The following GOLGA6C variants were observed in gnomAD, a reference collection of about 807,000 sequenced individuals.
The protein encoded by GOLGA6C is golgin A6 family member C.
GOLGA6C carries 3 observed loss-of-function variants against 57.5 expected under a neutral mutation model. The ratio of observed to expected loss-of-function variants is 0.05; its 90% CI spans 0.02 to 0.13. The LOEUF is 0.13. Ranked by LOEUF, GOLGA6C falls within the 10% of genes least tolerant of loss-of-function variation. The pLI is 1.00. For synonymous variants in GOLGA6C, 32 were observed against 203.8 expected (o/e 0.16, Z 7.18); for missense variants, 88 against 525.6 (o/e 0.17, Z 8.14).
At chr15:75,259,206 C>A (rs1174428189) in intron 1 of GOLGA6C, among the ~76,000 whole-genome samples, 1 of 151,380 alleles carries the variant, frequency 6.6e-6, no homozygotes. Context: ...GGATCGGCAA[C>A]TCAGCCATTG....
chr15:75,268,911 C>G (rs771018700), intron 14 of GOLGA6C, 23 bp downstream of exon 14: 1 of 1,022,866 alleles, frequency 9.8e-7, no homozygotes, highest in Non-Finnish European at 1.5e-6. Context: ...TTCCCTGCCC[C>G]GCTTTGCCAC....
Position 75,263,967 on chromosome 15 carries a change from C to T in GOLGA6C, c.458-10C>T. On this transcript the variant is annotated splice_polypyrimidine_tract_variant and intron_variant, in intron 6 of 17. Transcript: ENST00000300576. Reference sequence around the variant, plus strand: ...TCTTTTGGGCCCCATCTCAACCTCTCTCATTACAGAAGAGTCCAAGGATCT... The same window carrying T: ...TCTTTTGGGCCCCATCTCAACCTCTTTCATTACAGAAGAGTCCAAGGATCT... 1 of 1,480,838 alleles carries T rather than the reference C, an allele frequency of 6.8e-7. No homozygotes were observed. The highest frequency in any genetic ancestry group is 9.2e-7 in the Non-Finnish European group (1 of 1,083,604). 91.7% of individuals were successfully genotyped at this position (1,480,838 alleles called of 1,614,324 possible).
Position 75,273,220 on chromosome 15 carries a change from G to T in GOLGA6C, c.*3021G>T, listed in dbSNP as rs1423734097. On this transcript the variant is annotated 3_prime_UTR_variant, in exon 18 of 18. Coordinates refer to ENST00000300576, the MANE Select transcript of GOLGA6C (RefSeq NM_001164404.2). ...AATAAGTTAAAACACTTTAAAATAT[G>T]AATACTGTAGTTTGAAAGAAAGAAA... Among the ~76,000 whole-genome samples, 1 of 152,108 alleles carries T rather than the reference G, an allele frequency of 6.6e-6. No individual in the cohort carries two copies. Among genetic ancestry groups the T allele is most frequent in the South Asian group, 2.1e-4 (1 of 4,830 alleles).
At position 75,270,068 on chromosome 15, in the gene GOLGA6C, G is replaced by T. The variant is rs368756943; in HGVS notation, c.1955-4G>T. ...CTCAGACCCCCGCCTCCCTCTCTCCGAAGATTTTTATGAAGTGAGCCTGGA... is the reference window on the plus strand; with the variant it reads ...CTCAGACCCCCGCCTCCCTCTCTCCTAAGATTTTTATGAAGTGAGCCTGGA... On this transcript the variant is annotated splice_polypyrimidine_tract_variant and splice_region_variant and intron_variant, in intron 17 of 17. Transcript: ENST00000300576. 27 of 1,520,960 alleles carry T rather than the reference G, an allele frequency of 1.8e-5. 1 individual carries two copies. The South Asian group carries it at 2.2e-4, about 13-fold the overall frequency. 94.2% of individuals were successfully genotyped at this position (1,520,960 alleles called of 1,614,324 possible). A position where few individuals can be genotyped will look rare whatever the true frequency, so the allele number is the denominator to read the frequency against.
chr15:75,258,766 C>G, intron 1 of GOLGA6C, 84 bp downstream of exon 1: 1 of 614,520 alleles, frequency 1.6e-6, no homozygotes, highest in Non-Finnish European at 3.0e-6. Context: ...GAGTCCATAC[C>G]ACTCCTGAGG....
In GOLGA6C at chr15:75,270,283, C is replaced by T. The variant is rs557760370; in HGVS notation, c.*84C>T. On this transcript the variant is annotated 3_prime_UTR_variant, in exon 18 of 18. Coordinates refer to ENST00000300576, the MANE Select transcript of GOLGA6C (RefSeq NM_001164404.2). ...ACAGGGAGATAAACATCATCATCTTCTAAGAGCTGGTCAAGAAATTTAAAA... is the reference window on the plus strand; with the variant it reads ...ACAGGGAGATAAACATCATCATCTTTTAAGAGCTGGTCAAGAAATTTAAAA... 1 of 1,533,066 alleles carries T rather than the reference C, an allele frequency of 6.5e-7. No homozygotes were observed. The highest frequency in any genetic ancestry group is 1.5e-5 in the African/African-American group (1 of 67,500). The allele number at this position is 1,533,066 out of a possible 1,614,324, so 95.0% of individuals were successfully genotyped here.
At chr15:75,259,211 C>A (rs1310224863) in intron 1 of GOLGA6C, among the ~76,000 whole-genome samples, 1 of 151,168 alleles carries the variant, frequency 6.6e-6, no homozygotes, top group African/African-American at 2.5e-5. Context: ...GGCAACTCAG[C>A]CATTGCACTG....
Position 75,270,055 on chromosome 15 carries a change from C to A in GOLGA6C, c.1955-17C>A. 6.2e-7 allele frequency: 1 copy of A among 1,603,354 alleles called. No homozygotes were observed. The highest frequency in any genetic ancestry group is 8.5e-7 in the Non-Finnish European group (1 of 1,176,586). The stretch of plus-strand genomic sequence containing the variant: ...GGCTCGCACTGTGCTCAGACCCCCG[C>A]CTCCCTCTCTCCGAAGATTTTTATG... On this transcript the variant is annotated splice_polypyrimidine_tract_variant and intron_variant, in intron 17 of 17. Transcript: ENST00000300576.
Position 75,270,314 on chromosome 15 carries a change from A to G in GOLGA6C, c.*115A>G. The G allele has an allele frequency of 6.7e-7, 1 of 1,496,614 alleles. No homozygotes were observed. Among genetic ancestry groups the G allele is most frequent in the South Asian group, 1.3e-5 (1 of 75,844 alleles). 92.7% of individuals were successfully genotyped at this position (1,496,614 alleles called of 1,614,324 possible). ...GCTGGTCAAGAAATTTAAAACAACAACAACAAAAAGTTACGGGGTTCATCT... is the reference window on the plus strand; with the variant it reads ...GCTGGTCAAGAAATTTAAAACAACAGCAACAAAAAGTTACGGGGTTCATCT... On this transcript the variant is annotated 3_prime_UTR_variant, in exon 18 of 18. Coordinates refer to ENST00000300576, the MANE Select transcript of GOLGA6C (RefSeq NM_001164404.2).
Position 75,269,332 on chromosome 15 carries a change from C to T in GOLGA6C, c.1594-121C>T, listed in dbSNP as rs530648476. The T allele has an allele frequency of 6.2e-4, 364 of 584,120 alleles. 3 individuals are homozygous for T. The South Asian group carries it at 6.7e-3, about 11-fold the overall frequency. The allele number at this position is 584,120 out of a possible 1,614,324, so 36.2% of individuals were successfully genotyped here. A position where few individuals can be genotyped will look rare whatever the true frequency, so the allele number is the denominator to read the frequency against. ...TGAGTTTGTGTGTGGGGAGAGCTAC[C>T]GGGCCCTGAAGGAGGCCATGGTGAA... On this transcript the variant is annotated intron_variant, in intron 14 of 17. Coordinates refer to ENST00000300576, the MANE Select transcript of GOLGA6C (RefSeq NM_001164404.2).
chr15:75,264,439 GGTGTGTGTGTGTGTGTGT>G (rs368165570), intron 7 of GOLGA6C, among the ~76,000 whole-genome samples: 3 of 117,276 alleles, frequency 2.6e-5, no homozygotes, highest in African/African-American at 3.9e-5. Flanking sequence ...AGAGGAAAGG[GGTGTGTGTGTGTGTGTGT>G]GTGTGTGTGT....
rs2070798878 is a variant in GOLGA6C at position 75,273,214 on chromosome 15, AAATATG to A, written c.*3020_*3025del. ...TTTTGAAATAAGTTAAAACACTTTA[AAATATG>A]AATACTGTAGTTTGAAAGAAAGAAA... is the stretch of plus-strand genomic sequence containing the variant. On this transcript the variant is annotated 3_prime_UTR_variant, in exon 18 of 18. Transcript: ENST00000300576. Among the ~76,000 whole-genome samples the A allele has an allele frequency of 6.6e-6, 1 of 152,148 alleles. No homozygotes were observed. The highest frequency in any genetic ancestry group is 2.4e-5 in the African/African-American group (1 of 41,364).
At position 75,270,327 on chromosome 15, in the gene GOLGA6C, A is replaced by G. The variant is rs2070783671; in HGVS notation, c.*128A>G. On this transcript the variant is annotated 3_prime_UTR_variant, in exon 18 of 18. Coordinates refer to ENST00000300576, the MANE Select transcript of GOLGA6C (RefSeq NM_001164404.2). ...TTTAAAACAACAACAACAAAAAGTT[A>G]CGGGGTTCATCTCCTACACAATTCA... 2 of 1,461,166 alleles carry G rather than the reference A, an allele frequency of 1.4e-6. No individual in the cohort carries two copies. Among genetic ancestry groups the G allele is most frequent in the African/African-American group, 3.1e-5 (2 of 65,312 alleles). The allele number at this position is 1,461,166 out of a possible 1,614,324, so 90.5% of individuals were successfully genotyped here.
At chr15:75,265,037 G>C (rs1397945370) in intron 7 of GOLGA6C, 85 bp from the exon 8 acceptor site, 3 of 1,531,220 alleles carry the variant, frequency 2.0e-6, no homozygotes, top group African/African-American at 1.4e-5. Context: ...TACTAACCGA[G>C]TTGTATATTG....
At chr15:75,260,602 T>G in intron 2 of GOLGA6C, 110 bp downstream of exon 2, 1 of 879,440 alleles carries the variant, frequency 1.1e-6, no homozygotes, top group Non-Finnish European at 1.7e-6. Flanking sequence ...GAATCCTGCT[T>G]CTTCATCTGC....
rs1345184097 is a variant in GOLGA6C, at chr15:75,269,552, A to T, written c.1693A>T (p.Met565Leu). ...CCAGCCTTCTGGAGTGACAGACGGC[A>T]TGAGTGAGCGGGAGGCCAGGGCACG... ...FVQPSGVTDG[M>L]RESFTVYESQ... Residue 565 changes from methionine (M) to leucine (L), a missense_variant, in exon 15 of 18, where the codon ATG becomes TTG. By Grantham distance (15) the Met-to-Leu change is conservative. Transcript: ENST00000300576. 1.5e-6 allele frequency: 2 copies of T among 1,329,780 alleles called. No individual in the cohort carries two copies. The highest frequency in any genetic ancestry group is 1.1e-6 in the Non-Finnish European group (1 of 950,894). The allele number at this position is 1,329,780 out of a possible 1,614,324, so 82.4% of individuals were successfully genotyped here.
At position 75,272,902 on chromosome 15, in the gene GOLGA6C, T is replaced by C. The variant is rs1344367071; in HGVS notation, c.*2703T>C. Among the ~76,000 whole-genome samples the C allele has an allele frequency of 3.3e-5, 5 of 152,040 alleles. No homozygotes were observed. Among genetic ancestry groups the C allele is most frequent in the African/African-American group, 9.7e-5 (4 of 41,336 alleles). On this transcript the variant is annotated 3_prime_UTR_variant, in exon 18 of 18. Coordinates refer to ENST00000300576, the MANE Select transcript of GOLGA6C (RefSeq NM_001164404.2). ...GAAGGGTAGAGTTTAATCAGAAACA[T>C]AGAATTTTAAAGTGTGGGTTCAACT...
chr15:75,258,862 A>C (rs2070720249), intron 1 of GOLGA6C, among the ~76,000 whole-genome samples, 180 bp downstream of exon 1: 1 of 150,202 alleles, frequency 6.7e-6, no homozygotes, highest in African/African-American at 2.5e-5. Context: ...TTCAGCAAGC[A>C]GCCCAGCCTC....
intron 6 of GOLGA6C, 33 bp from the exon 7 acceptor site, chr15:75,263,943 CT>C (rs2070743869): frequency 6.8e-7 from 1 of 1,479,854 alleles, no homozygotes; most frequent in Admixed American, 1.7e-5. Context: ...TAGGGGGAGT[CT>C]TTTGGGCCCC....
Sources: allele counts gnomAD v4.1 joint callset (sites outside exome capture counted in the v4.1 genomes callset), GRCh38; gene constraint gnomAD v4.1.1; transcripts MANE v1.5; gene names NCBI Gene and HGNC (gene_info 2026-07-23, HGNC 2026-07-21).